The following PTPRE variants were observed in gnomAD, a reference collection of about 807,000 sequenced individuals.
The protein encoded by PTPRE is receptor-type tyrosine-protein phosphatase epsilon.
Under a neutral mutation model 102.0 loss-of-function variants are expected in PTPRE, and 51 were observed. That is an observed-to-expected ratio of 0.50 (90% CI 0.40 to 0.63). The LOEUF is 0.63. PTPRE is among the 30% of genes least tolerant of loss of function. PTPRE has a pLI of 0.00. For synonymous variants in PTPRE, 345 were observed against 348.2 expected (o/e 0.99, Z 0.10); for missense variants, 752 against 915.1 (o/e 0.82, Z 2.30).
intron 11 of PTPRE, among the ~76,000 whole-genome samples, chr10:128,067,193 C>T (rs1850246943): frequency 6.7e-6 from 1 of 148,590 alleles, no homozygotes; most frequent in East Asian, 2.0e-4. Context: ...CACACATGTG[C>T]ACACACATAC....
At chr10:128,004,364 CAT>C (rs1224402143) in intron 2 of PTPRE, among the ~76,000 whole-genome samples, 1 of 152,076 alleles carries the variant, frequency 6.6e-6, no homozygotes, top group African/African-American at 2.4e-5. Flanking sequence ...TTAGATACAA[CAT>C]ATTTTCATCA....
chr10:128,053,176 G>A (rs906595429), intron 6 of PTPRE, among the ~76,000 whole-genome samples: 8 of 152,124 alleles, frequency 5.3e-5, no homozygotes, highest in Non-Finnish European at 7.3e-5. Context: ...ACTTGAACCC[G>A]GGAGGCAGAG....
chr10:128,079,476 T>C, intron 19 of PTPRE, 84 bp from the exon 20 acceptor site: 2 of 1,510,402 alleles, frequency 1.3e-6, no homozygotes, highest in Non-Finnish European at 9.0e-7. Flanking sequence ...TCAGTGCTGA[T>C]ATGCAGGGGT....
chr10:127,924,479 T>C (rs2135197869), intron 1 of PTPRE, among the ~76,000 whole-genome samples: 1 of 152,244 alleles, frequency 6.6e-6, no homozygotes, highest in African/African-American at 2.4e-5. Context: ...CGCCTACACC[T>C]CGGCCTCCCA....
intron 2 of PTPRE, chr10:127,999,631 G>A (rs752401816): frequency 7.1e-5 from 70 of 985,018 alleles, no homozygotes; most frequent in Non-Finnish European, 8.4e-5. Flanking sequence ...CTTTCTTACT[G>A]ACTGATTATG....
At chr10:128,055,722 G>A (rs1189217300) in intron 6 of PTPRE, among the ~76,000 whole-genome samples, 1 of 152,166 alleles carries the variant, frequency 6.6e-6, no homozygotes, top group Non-Finnish European at 1.5e-5. Flanking sequence ...CCGCATGCCT[G>A]TCCTCGCTCC....
At chr10:128,056,496 G>A (rs763719377) in intron 7 of PTPRE, among the ~76,000 whole-genome samples, 12 of 152,294 alleles carry the variant, frequency 7.9e-5, no homozygotes, top group East Asian at 1.9e-4. Flanking sequence ...GTGCTGCTTC[G>A]TGGCCATGGG....
At chr10:127,978,207 T>C (rs1037534928) in intron 1 of PTPRE, among the ~76,000 whole-genome samples, 18 of 151,972 alleles carry the variant, frequency 1.2e-4, no homozygotes, top group African/African-American at 3.9e-4. Context: ...GAAGGAGATA[T>C]AGACAAAAGA....
At chr10:127,923,604 A>G (rs1397302744) in intron 1 of PTPRE, among the ~76,000 whole-genome samples, 2 of 151,992 alleles carry the variant, frequency 1.3e-5, no homozygotes, top group Non-Finnish European at 2.9e-5. Context: ...GGGTTTCACC[A>G]CGTTGGTCAG....
intron 1 of PTPRE, among the ~76,000 whole-genome samples, chr10:127,908,306 G>A (rs1304130516): frequency 2.6e-5 from 4 of 152,060 alleles, no homozygotes; most frequent in African/African-American, 7.2e-5. Context: ...CTGTGTCCAT[G>A]TCCAGTCAGC....
At chr10:128,043,820 C>T (rs1344110051) in intron 3 of PTPRE, among the ~76,000 whole-genome samples, 4 of 152,172 alleles carry the variant, frequency 2.6e-5, no homozygotes, top group African/African-American at 9.7e-5. Context: ...CTTATCTGGG[C>T]TGACATGGAA....
At position 128,057,044 on chromosome 10, in the gene PTPRE, C is replaced by T. The variant is rs569488406; in HGVS notation, c.511+831C>T. Reference sequence around the variant, plus strand: ...CAGCCTGGCCAAGATGGTGAAACCCCGTCTCTACTAAAAATACAAAATATT... The same window carrying T: ...CAGCCTGGCCAAGATGGTGAAACCCTGTCTCTACTAAAAATACAAAATATT... On this transcript the variant is annotated intron_variant, in intron 7 of 20. Coordinates refer to ENST00000254667, the MANE Select transcript of PTPRE (RefSeq NM_006504.6). 3.3e-4 allele frequency among the ~76,000 whole-genome samples: 50 copies of T among 152,042 alleles called. No homozygotes were observed. The South Asian group carries it at 9.8e-3, about 30-fold the overall frequency.
intron 2 of PTPRE, among the ~76,000 whole-genome samples, chr10:128,030,154 G>A (rs1054072760): frequency 6.6e-6 from 1 of 152,324 alleles, no homozygotes; most frequent in East Asian, 1.9e-4. Flanking sequence ...GGCAGAGACC[G>A]TGTCCACTCA....
intron 1 of PTPRE, among the ~76,000 whole-genome samples, chr10:127,973,650 GA>G (rs547461869): frequency 0.013 from 1,967 of 147,352 alleles, 24 homozygotes; most frequent in African/African-American, 0.015. Flanking sequence ...CCATATTCCT[GA>G]AAAAAAAAAA....
chr10:128,082,799 A>G (rs1162811961), intron 20 of PTPRE, 33 bp from the exon 21 acceptor site: 7 of 1,531,528 alleles, frequency 4.6e-6, no homozygotes, highest in Non-Finnish European at 6.1e-6. Flanking sequence ...TTTTGGGAAT[A>G]TCATTTTAAT....
intron 10 of PTPRE, among the ~76,000 whole-genome samples, chr10:128,065,572 T>G (rs1314733658): frequency 6.6e-6 from 1 of 152,206 alleles, no homozygotes; most frequent in Non-Finnish European, 1.5e-5. Context: ...TGAAGATCGT[T>G]AGACCAATCA....
intron 1 of PTPRE, among the ~76,000 whole-genome samples, chr10:127,979,616 G>A (rs2135456141): frequency 6.6e-6 from 1 of 152,328 alleles, no homozygotes; most frequent in Non-Finnish European, 1.5e-5. Context: ...GGTTGAGGCT[G>A]CAGTGAGCCA....
At chr10:128,010,943 G>A (rs747030910) in intron 2 of PTPRE, among the ~76,000 whole-genome samples, 31 of 152,310 alleles carry the variant, frequency 2.0e-4, no homozygotes, top group Non-Finnish European at 8.8e-5. Context: ...GCGGAAGGCA[G>A]GCAGAAGGTT....
chr10:128,047,622 G>A (rs1848202907), intron 4 of PTPRE, 133 bp downstream of exon 4: 1 of 1,613,812 alleles, frequency 6.2e-7, no homozygotes, highest in Admixed American at 1.7e-5. Context: ...GAGACACACA[G>A]AGGCCAGGCC....
Sources: allele counts gnomAD v4.1 joint callset (sites outside exome capture counted in the v4.1 genomes callset), GRCh38; gene constraint gnomAD v4.1.1; transcripts MANE v1.5; gene names NCBI Gene and HGNC (gene_info 2026-07-23, HGNC 2026-07-21).